Variants in MARCHF4 observed in about 807,000 individuals in gnomAD.
MARCHF4 encodes membrane associated ring-CH-type finger 4.
In MARCHF4, 14 loss-of-function variants were observed where a neutral mutation model predicts 43.9. The observed-to-expected ratio is 0.32, with a 90% CI of 0.21 to 0.50. The LOEUF (loss-of-function observed/expected upper bound fraction) is 0.50. Ranked by LOEUF, MARCHF4 falls within the 20% of genes least tolerant of loss-of-function variation. The pLI is 0.98. For missense variants in MARCHF4, 468 were observed against 536.7 expected, an observed-to-expected ratio of 0.87 and a Z score of 1.27; for synonymous variants, 226 against 213.3, an observed-to-expected ratio of 1.06 and a Z score of -0.52.
At chr2:216,343,765 C>T (rs1692269308) in intron 1 of MARCHF4, among the ~76,000 whole-genome samples, 1 of 152,200 alleles carries the variant, frequency 6.6e-6, no homozygotes, top group Non-Finnish European at 1.5e-5. Context: ...AAATGTCCAA[C>T]AACATTCCTG....
Position 216,291,310 on chromosome 2 carries a change from C to G in MARCHF4, c.517-7581G>C, listed in dbSNP as rs206370. Among the ~76,000 whole-genome samples, 20 of 152,282 alleles carry G rather than the reference C, an allele frequency of 1.3e-4. 1 individual carries two copies. The highest frequency in any genetic ancestry group is 4.6e-4 in the African/African-American group (19 of 41,544). On this transcript the variant is annotated intron_variant, in intron 1 of 3. Transcript: ENST00000273067. ...TGGGAACCAAGCATTAACCGTGGAC[C>G]TGGCAAGTTTTCTTTCTGGTTTCTT...
intron 1 of MARCHF4, among the ~76,000 whole-genome samples, chr2:216,352,924 G>A (rs946056629): frequency 2.0e-5 from 3 of 152,154 alleles, no homozygotes; most frequent in African/African-American, 4.8e-5. Flanking sequence ...ATCCTCATGC[G>A]GTTCTGGCAC....
chr2:216,311,683 C>T (rs1691689287), intron 1 of MARCHF4, among the ~76,000 whole-genome samples: 1 of 152,072 alleles, frequency 6.6e-6, no homozygotes, highest in Admixed American at 6.5e-5. Flanking sequence ...AGGGTAAGAA[C>T]CTTTTTTATT....
intron 1 of MARCHF4, among the ~76,000 whole-genome samples, chr2:216,333,212 C>T (rs1692107524): frequency 6.6e-6 from 1 of 152,046 alleles, no homozygotes; most frequent in African/African-American, 2.4e-5. Context: ...GGGGCAAGCC[C>T]CAGAATAGAA....
At chr2:216,310,258 C>CTTTCT (rs748178580) in intron 1 of MARCHF4, among the ~76,000 whole-genome samples, 42 of 152,044 alleles carry the variant, frequency 2.8e-4, no homozygotes, top group Non-Finnish European at 5.6e-4. Flanking sequence ...TTAGATAGTT[C>CTTTCT]TTTCTTTTCT....
chr2:216,344,244 GAAACAAAC>G (rs141748360), intron 1 of MARCHF4, among the ~76,000 whole-genome samples: 8 of 151,250 alleles, frequency 5.3e-5, no homozygotes, highest in African/African-American at 1.5e-4. Context: ...AACAAAAACA[GAAACAAAC>G]AAACAAACAA....
intron 1 of MARCHF4, among the ~76,000 whole-genome samples, chr2:216,349,871 T>G (rs1692373329): frequency 6.6e-6 from 1 of 152,136 alleles, no homozygotes; most frequent in South Asian, 2.1e-4. Flanking sequence ...CAGAGTGAAC[T>G]GCTCAAAATC....
chr2:216,323,862 G>A (rs1691945147), intron 1 of MARCHF4, among the ~76,000 whole-genome samples: 2 of 152,032 alleles, frequency 1.3e-5, no homozygotes, highest in African/African-American at 4.8e-5. Flanking sequence ...GAGAAAGCAG[G>A]AAAGATCTAA....
At chr2:216,327,925 T>C (rs903961495) in intron 1 of MARCHF4, among the ~76,000 whole-genome samples, 4 of 149,982 alleles carry the variant, frequency 2.7e-5, no homozygotes, top group African/African-American at 7.4e-5. Flanking sequence ...TTTGTATTTT[T>C]ATGTGAAATA....
intron 3 of MARCHF4, 73 bp downstream of exon 3, chr2:216,277,599 G>T (rs1691047523): frequency 7.0e-7 from 1 of 1,435,774 alleles, no homozygotes; most frequent in Non-Finnish European, 9.4e-7. Context: ...CACAGTGGGG[G>T]ATCCTGAGGG....
intron 1 of MARCHF4, among the ~76,000 whole-genome samples, chr2:216,337,967 A>G (rs1217766772): frequency 1.3e-5 from 2 of 152,232 alleles, no homozygotes; most frequent in African/African-American, 4.8e-5. Context: ...TGGCACTGCA[A>G]TGTGGAAAAA....
intron 1 of MARCHF4, among the ~76,000 whole-genome samples, chr2:216,346,795 T>C (rs1692327495): frequency 6.6e-6 from 1 of 152,076 alleles, no homozygotes; most frequent in Admixed American, 6.6e-5. Flanking sequence ...GCCATGAGTT[T>C]AGAGAGGTAG....
intron 3 of MARCHF4, among the ~76,000 whole-genome samples, chr2:216,266,704 C>G (rs1424418506): frequency 1.3e-5 from 2 of 152,220 alleles, no homozygotes; most frequent in South Asian, 4.1e-4. Context: ...CCAGATTCCA[C>G]TCCTCCAGTG....
At chr2:216,283,455 C>T in intron 2 of MARCHF4, 119 bp downstream of exon 2, 1 of 1,278,086 alleles carries the variant, frequency 7.8e-7, no homozygotes, top group East Asian at 2.4e-5. Context: ...GCCCACCCAG[C>T]CCATCTTCTT....
intron 3 of MARCHF4, among the ~76,000 whole-genome samples, chr2:216,264,496 T>C (rs541382257): frequency 1.3e-5 from 2 of 152,312 alleles, no homozygotes; most frequent in East Asian, 1.9e-4. Context: ...CATCTGTCCA[T>C]TTATCCCACA....
chr2:216,281,107 C>A (rs1448114690), intron 2 of MARCHF4, among the ~76,000 whole-genome samples: 1 of 148,342 alleles, frequency 6.7e-6, no homozygotes, highest in Non-Finnish European at 1.5e-5. Flanking sequence ...GCTCTGCCAC[C>A]CAGGCTGGAG....
At chr2:216,294,870 C>T (rs890321937) in intron 1 of MARCHF4, among the ~76,000 whole-genome samples, 2 of 152,176 alleles carry the variant, frequency 1.3e-5, no homozygotes, top group African/African-American at 4.8e-5. Context: ...GGTGCCCAAC[C>T]CTGTATGCAA....
chr2:216,286,017 G>A (rs991001600), intron 1 of MARCHF4, among the ~76,000 whole-genome samples: 1 of 152,154 alleles, frequency 6.6e-6, no homozygotes, highest in African/African-American at 2.4e-5. Context: ...AACAAGACCC[G>A]GGCTCTGGTT....
chr2:216,266,410 C>G (rs1194724455), intron 3 of MARCHF4, among the ~76,000 whole-genome samples: 3 of 152,330 alleles, frequency 2.0e-5, no homozygotes, highest in African/African-American at 7.2e-5. Context: ...AAAGCCCACT[C>G]ATCTCTCTTC....
Sources: allele counts gnomAD v4.1 joint callset (sites outside exome capture counted in the v4.1 genomes callset), GRCh38; gene constraint gnomAD v4.1.1; transcripts MANE v1.5; gene names NCBI Gene and HGNC (gene_info 2026-07-23, HGNC 2026-07-21).